The following MYO16 variants were observed in gnomAD, a reference collection of about 807,000 sequenced individuals.
MYO16 encodes the protein myosin XVI.
A neutral mutation model predicts 205.3 loss-of-function variants in MYO16; 94 were observed. That is an observed-to-expected ratio of 0.46 (90% CI 0.39 to 0.54). The LOEUF is 0.54. MYO16 is among the 20% of genes least tolerant of loss of function. The probability of loss-of-function intolerance (pLI) is 0.00; values close to 1 mark genes in which losing one functional copy is unlikely to be tolerated. For synonymous variants in MYO16, 988 were observed against 954.0 expected, an observed-to-expected ratio of 1.04 and a Z score of -0.66; for missense variants, 2,315 against 2,387.5, an observed-to-expected ratio of 0.97 and a Z score of 0.63.
At chr13:108,548,171 G>T in the MYO16 span, among the ~76,000 whole-genome samples, 1 of 151,990 alleles carries the variant, frequency 6.6e-6, no homozygotes, top group Non-Finnish European at 1.5e-5. Flanking sequence ...TAGTTTACAA[G>T]TGTACCATGG....
At chr13:109,193,783 A>ACTC (rs1880028911) in intron 34 of MYO16, among the ~76,000 whole-genome samples, 1 of 151,392 alleles carries the variant, frequency 6.6e-6, no homozygotes, top group Non-Finnish European at 1.5e-5. Flanking sequence ...GTTATTCACG[A>ACTC]CTCTATTGTT....
intron 20 of MYO16, among the ~76,000 whole-genome samples, chr13:108,985,385 G>A (rs1053154129): frequency 2.0e-5 from 3 of 152,118 alleles, no homozygotes; most frequent in African/African-American, 7.2e-5. Context: ...CACATAATTG[G>A]TTGAACACAA....
At position 109,141,949 on chromosome 13, in the gene MYO16, G is replaced by A. The variant is rs148576373; in HGVS notation, c.5164+573G>A. 9.2e-5 allele frequency among the ~76,000 whole-genome samples: 14 copies of A among 152,244 alleles called. No homozygotes were observed. The East Asian group carries it at 2.5e-3, about 27-fold the overall frequency. The stretch of plus-strand genomic sequence containing the variant: ...TATGCCATCCAAGGAGCACTCTAAC[G>A]CAGCCCCGTTATCTGTGTTTTCTCA... On this transcript the variant is annotated intron_variant, in intron 32 of 34. Transcript: ENST00000457511. The surrounding 1 kb of genome is among the most constrained non-coding windows in gnomAD (Gnocchi z 4.1).
chr13:108,736,067 G>A (rs557393619), intron 4 of MYO16, among the ~76,000 whole-genome samples: 10 of 152,140 alleles, frequency 6.6e-5, no homozygotes, highest in Admixed American at 1.3e-4. Flanking sequence ...TGAGTAGGTT[G>A]CAAAAATTTT....
intron 28 of MYO16, among the ~76,000 whole-genome samples, chr13:109,113,184 A>G (rs1285616755): frequency 6.6e-6 from 1 of 152,208 alleles, no homozygotes; most frequent in Non-Finnish European, 1.5e-5. Context: ...GAAGCCTACT[A>G]TACAACATTT....
chr13:109,067,126 T>C (rs1458613963), intron 27 of MYO16, among the ~76,000 whole-genome samples: 1 of 152,182 alleles, frequency 6.6e-6, no homozygotes, highest in African/African-American at 2.4e-5. Flanking sequence ...GTCACCGCTG[T>C]GTACCTGCTG....
At chr13:108,696,433 A>G (rs979757626) in intron 2 of MYO16, among the ~76,000 whole-genome samples, 3 of 152,226 alleles carry the variant, frequency 2.0e-5, no homozygotes, top group Admixed American at 6.5e-5. Context: ...GCTACACAGA[A>G]CAATATGGAT....
chr13:108,975,187 TTTG>T lies in MYO16; in HGVS notation c.2369+10288_2369+10290del, dbSNP rs535830143. On this transcript the variant is annotated intron_variant, in intron 20 of 34. Transcript: ENST00000457511. ...ATGCTTTAAGCTTTGGGATACTGTT[TTTG>T]TTTTTTTTTTTATTAAAAAGGCCAC... Among the ~76,000 whole-genome samples the T allele has an allele frequency of 5.1e-3, 749 of 147,676 alleles. 3 individuals carry two copies. The highest frequency in any genetic ancestry group is 0.017 in the African/African-American group (661 of 39,144).
the MYO16 span, among the ~76,000 whole-genome samples, chr13:108,561,563 G>A: frequency 1.3e-5 from 2 of 152,200 alleles, no homozygotes; most frequent in African/African-American, 4.8e-5. Context: ...GTATTATAAA[G>A]TGTGTTCCAT....
chr13:108,712,815 A>G (rs1883776804), intron 3 of MYO16, 84 bp downstream of exon 3: 2 of 996,746 alleles, frequency 2.0e-6, no homozygotes, highest in Admixed American at 2.6e-5. Flanking sequence ...AACGAAATGT[A>G]CATCTCACAG....
At chr13:108,986,554 G>A (rs1361451557) in intron 20 of MYO16, among the ~76,000 whole-genome samples, 13 of 150,460 alleles carry the variant, frequency 8.6e-5, no homozygotes, top group South Asian at 6.3e-4. Flanking sequence ...CCCGGGAGGC[G>A]GAGGTTGTGG....
At position 109,109,481 on chromosome 13, in the gene MYO16, A is replaced by G. The variant is rs1889218060; in HGVS notation, c.3438+8594A>G. ...GCTTTAAATGTAAAAAAGTGGTATT[A>G]GAGAGCAAGAACAGAGCTGGGAAAC... is the stretch of plus-strand genomic sequence containing the variant. On this transcript the variant is annotated intron_variant, in intron 28 of 34. Transcript: ENST00000457511. Among the ~76,000 whole-genome samples the G allele has an allele frequency of 2.6e-5, 4 of 152,172 alleles. No individual in the cohort carries two copies. In the South Asian group the frequency reaches 8.3e-4, roughly 32 times the overall value.
chr13:108,781,920 C>G (rs567849516), intron 4 of MYO16, among the ~76,000 whole-genome samples: 1 of 152,176 alleles, frequency 6.6e-6, no homozygotes, highest in Non-Finnish European at 1.5e-5. Context: ...GATTCTGACG[C>G]CTCCCCAGCC....
intron 32 of MYO16, among the ~76,000 whole-genome samples, chr13:109,164,539 G>A (rs549211812): frequency 1.4e-4 from 22 of 152,274 alleles, no homozygotes; most frequent in African/African-American, 5.1e-4. Context: ...AAAGCTGTAA[G>A]ATTGCCTTAA....
intron 23 of MYO16, among the ~76,000 whole-genome samples, chr13:109,043,741 G>A (rs946806908): frequency 4.6e-5 from 7 of 152,276 alleles, no homozygotes; most frequent in Non-Finnish European, 7.4e-5. Flanking sequence ...ACAGGGAGCC[G>A]TCCTGGGGGA....
At chr13:109,105,453 C>T (rs1351215255) in intron 28 of MYO16, among the ~76,000 whole-genome samples, 1 of 152,140 alleles carries the variant, frequency 6.6e-6, no homozygotes, top group African/African-American at 2.4e-5. Context: ...GCCTGGACAA[C>T]AAGAGTGAAA....
upstream of MYO16, among the ~76,000 whole-genome samples, chr13:108,593,240 A>C (rs1454008543): frequency 6.6e-6 from 1 of 152,110 alleles, no homozygotes; most frequent in Non-Finnish European, 1.5e-5. Flanking sequence ...AATAAACGAA[A>C]ATGCTCAAGT....
chr13:108,888,556 A>G, intron 14 of MYO16, 79 bp downstream of exon 14: 1 of 924,274 alleles, frequency 1.1e-6, no homozygotes, highest in Non-Finnish European at 1.6e-6. Context: ...GGGAGGGGAC[A>G]TCATAATAGA....
At chr13:109,013,606 T>C (rs2139495439) in intron 22 of MYO16, among the ~76,000 whole-genome samples, 1 of 152,324 alleles carries the variant, frequency 6.6e-6, no homozygotes, top group East Asian at 1.9e-4. Flanking sequence ...TTCCTATTTC[T>C]CCACGTCCTC....
Sources: gnomAD v4.1 joint callset for allele counts (sites outside exome capture counted in the v4.1 genomes callset) on GRCh38, gnomAD v4.1.1 for gene constraint, Gnocchi (gnomAD v3.1) non-coding constraint, MANE v1.5 for transcripts, NCBI Gene and HGNC (gene_info 2026-07-23, HGNC 2026-07-21) for gene names.